The following CACNA1C variants were observed in gnomAD, a reference collection of about 807,000 sequenced individuals.
CACNA1C encodes the protein calcium voltage-gated channel subunit alpha1 C, also known as voltage-dependent L-type calcium channel subunit alpha-1C.
A neutral mutation model predicts 229.0 loss-of-function variants in CACNA1C; 30 were observed. That is an observed-to-expected ratio of 0.13 (90% CI 0.10 to 0.18). The LOEUF is 0.18. Among genes scored for constraint, CACNA1C ranks in the 10% least tolerant of loss-of-function variants. The pLI is 1.00. For synonymous variants in CACNA1C, 1,114 were observed against 1,132.5 expected (o/e 0.98, Z 0.33); for missense variants, 1,658 against 2,845.0 (o/e 0.58, Z 9.49).
At chr12:2,026,160 A>T (rs1163814473) in intron 1 of CACNA1C, among the ~76,000 whole-genome samples, 2 of 152,244 alleles carry the variant, frequency 1.3e-5, no homozygotes, top group East Asian at 1.9e-4. Flanking sequence ...AATTTGAAGA[A>T]GGTGAGAGTT....
intron 9 of CACNA1C, among the ~76,000 whole-genome samples, chr12:2,537,925 C>A (rs2099859784): frequency 6.6e-6 from 1 of 152,142 alleles, no homozygotes; most frequent in Non-Finnish European, 1.5e-5. Flanking sequence ...TGCCAAAGTT[C>A]AAGAGTTTGT....
At chr12:2,669,167 T>C (rs1334069381) in intron 38 of CACNA1C, 132 bp downstream of exon 38, 1 of 709,210 alleles carries the variant, frequency 1.4e-6, no homozygotes. Context: ...GATACGGGGG[T>C]AACGTGCGCT....
At chr12:2,006,274 G>A (rs988828528) in intron 1 of CACNA1C, among the ~76,000 whole-genome samples, 1 of 152,120 alleles carries the variant, frequency 6.6e-6, no homozygotes, top group Non-Finnish European at 1.5e-5. Flanking sequence ...CAGGAGTGGT[G>A]GCAGGTACCT....
chr12:2,186,701 A>T (rs2097026912), intron 3 of CACNA1C, among the ~76,000 whole-genome samples: 1 of 152,138 alleles, frequency 6.6e-6, no homozygotes. Context: ...TTCTTAAGTG[A>T]TTACTATATG....
chr12:2,328,974 T>A (rs761711299), intron 3 of CACNA1C, among the ~76,000 whole-genome samples: 1 of 152,242 alleles, frequency 6.6e-6, no homozygotes, highest in Non-Finnish European at 1.5e-5. Flanking sequence ...CTGCTTGTTG[T>A]CACCCTTGTT....
intron 1 of CACNA1C, among the ~76,000 whole-genome samples, chr12:1,990,408 A>G (rs969815063): frequency 2.0e-5 from 3 of 152,230 alleles, no homozygotes; most frequent in Admixed American, 2.0e-4. Context: ...TCTGTAATAA[A>G]GTAATCTATT....
At position 2,456,753 on chromosome 12, in the gene CACNA1C, CGCT is replaced by C. The variant is rs560844671; in HGVS notation, c.618-813_618-811del. On this transcript the variant is annotated intron_variant, in intron 4 of 46. Coordinates refer to ENST00000399655, the MANE Select transcript of CACNA1C (RefSeq NM_000719.7). ...ACCCTGTCTCTGCAGAGCCCCTCCC[CGCT>C]CCTCCTCCTCAGCACTCATCACTCT... Among the ~76,000 whole-genome samples, 25 of 152,330 alleles carry C rather than the reference CGCT, an allele frequency of 1.6e-4. No homozygotes were observed. In the East Asian group the frequency reaches 2.9e-3, roughly 18 times the overall value.
At chr12:2,317,734 A>G (rs2095766252) in intron 3 of CACNA1C, among the ~76,000 whole-genome samples, 1 of 152,260 alleles carries the variant, frequency 6.6e-6, no homozygotes, top group South Asian at 2.1e-4. Flanking sequence ...CCAGATGAAC[A>G]GAAGAAATCC....
intron 3 of CACNA1C, among the ~76,000 whole-genome samples, chr12:2,189,603 G>A (rs1362454913): frequency 2.0e-5 from 3 of 152,196 alleles, no homozygotes; most frequent in African/African-American, 4.8e-5. Flanking sequence ...CCAGGCAGAG[G>A]GCTGCTAACT....
chr12:2,439,379 C>T (rs1172028150), intron 3 of CACNA1C, among the ~76,000 whole-genome samples: 4 of 152,218 alleles, frequency 2.6e-5, no homozygotes, highest in Admixed American at 6.5e-5. Flanking sequence ...AAACGTGGGC[C>T]ATAAGGAGGC....
intron 1 of CACNA1C, among the ~76,000 whole-genome samples, chr12:2,113,646 GC>G (rs940221271): frequency 5.3e-5 from 8 of 152,236 alleles, no homozygotes; most frequent in African/African-American, 1.9e-4. Flanking sequence ...CAACCTCACC[GC>G]CCACAGTAGC....
Position 2,596,014 on chromosome 12 carries a change from C to T in CACNA1C, c.2793+11C>T. Reference sequence around the variant, plus strand: ...TCCTTCAGGAACCATGTATGCATCGCCTGTGTCTTCTGCACTCCTTCCCCC... The same window carrying T: ...TCCTTCAGGAACCATGTATGCATCGTCTGTGTCTTCTGCACTCCTTCCCCC... On this transcript the variant is annotated intron_variant, in intron 20 of 46. Transcript: ENST00000399655. 1 of 1,607,916 alleles carries T rather than the reference C, an allele frequency of 6.2e-7. No homozygotes were observed. Among genetic ancestry groups the T allele is most frequent in the Non-Finnish European group, 8.5e-7 (1 of 1,176,202 alleles).
chr12:2,653,807 C>T lies in CACNA1C; in HGVS notation c.4075-28C>T. ...CCAGCTGGCCTCTGCACTCCAGCCT[C>T]ATGGGAGTCTCCTGCACTTCCTTCC... On this transcript the variant is annotated intron_variant, in intron 32 of 46. Coordinates refer to ENST00000399655, the MANE Select transcript of CACNA1C (RefSeq NM_000719.7). The surrounding 1 kb of genome is among the most constrained non-coding windows in gnomAD (Gnocchi z 4.7). 1 of 1,608,774 alleles carries T rather than the reference C, an allele frequency of 6.2e-7. No homozygotes were observed. The highest frequency in any genetic ancestry group is 8.5e-7 in the Non-Finnish European group (1 of 1,175,556).
At chr12:2,541,332 G>A (rs976517265) in intron 9 of CACNA1C, among the ~76,000 whole-genome samples, 18 of 152,316 alleles carry the variant, frequency 1.2e-4, no homozygotes, top group Admixed American at 1.1e-3. Flanking sequence ...CCTTTTGCTT[G>A]TTAACCGTAA....
chr12:2,311,778 T>C (rs1467190212), intron 3 of CACNA1C, among the ~76,000 whole-genome samples: 3 of 152,206 alleles, frequency 2.0e-5, no homozygotes, highest in Non-Finnish European at 2.9e-5. Flanking sequence ...CTTTTGAGAA[T>C]AATTTTGTAA....
chr12:2,042,535 T>G (rs1471291098), intron 1 of CACNA1C, among the ~76,000 whole-genome samples: 1 of 152,238 alleles, frequency 6.6e-6, no homozygotes, highest in East Asian at 1.9e-4. Flanking sequence ...TAGACACCTG[T>G]ATTTCAAATG....
rs112442720 is a variant in CACNA1C at position 2,153,093 on chromosome 12, C to T, written c.477+32663C>T. ...GAAGGGCTAGGAGATAGACTCATTT[C>T]GGATCTAACTTTAATAATCAATTTT... On this transcript the variant is annotated intron_variant, in intron 3 of 46. Coordinates refer to ENST00000399655, the MANE Select transcript of CACNA1C (RefSeq NM_000719.7). Among the ~76,000 whole-genome samples, 156 of 152,268 alleles carry T rather than the reference C, an allele frequency of 1.0e-3. 1 individual carries two copies. Among genetic ancestry groups the T allele is most frequent in the Non-Finnish European group, 1.5e-3 (105 of 68,026 alleles).
intron 42 of CACNA1C, chr12:2,682,016 G>A (rs542319204): frequency 6.2e-7 from 1 of 1,611,696 alleles, no homozygotes; most frequent in Admixed American, 1.7e-5. Flanking sequence ...CAGGGACTCA[G>A]GCTCACTGCC....
At chr12:2,230,050 G>T (rs1295716375) in intron 3 of CACNA1C, among the ~76,000 whole-genome samples, 6 of 152,200 alleles carry the variant, frequency 3.9e-5, no homozygotes, top group African/African-American at 1.4e-4. Flanking sequence ...CTCCGGCAGC[G>T]ATTCCCTCAG....
Sources: allele counts gnomAD v4.1 joint callset (sites outside exome capture counted in the v4.1 genomes callset), GRCh38; gene constraint gnomAD v4.1.1; non-coding constraint Gnocchi (gnomAD v3.1); transcripts MANE v1.5; gene names NCBI Gene and HGNC (gene_info 2026-07-23, HGNC 2026-07-21).